Variants in SUN3 observed in about 807,000 individuals in gnomAD.
The protein encoded by SUN3 is Sad1 and UNC84 domain containing 3.
In SUN3, 36 loss-of-function variants were observed where a neutral mutation model predicts 48.2. The observed-to-expected ratio is 0.75, with a 90% CI of 0.57 to 0.99. The LOEUF is 0.99. Ranked by LOEUF, SUN3 falls within the 50% of genes least tolerant of loss-of-function variation. SUN3 has a pLI of 0.00. For missense variants in SUN3, 419 were observed against 433.1 expected (o/e 0.97, Z 0.29); for synonymous variants, 148 against 147.9 (o/e 1.00, Z 0.00).
chr7:48,008,377 A>G (rs753823041), intron 4 of SUN3, among the ~76,000 whole-genome samples: 22 of 152,262 alleles, frequency 1.4e-4, no homozygotes, highest in Non-Finnish European at 2.9e-4. Flanking sequence ...AATAGAAATA[A>G]TATTTATAAT....
At chr7:47,995,911 G>C in intron 7 of SUN3, 120 bp downstream of exon 7, 1 of 550,430 alleles carries the variant, frequency 1.8e-6, no homozygotes, top group Non-Finnish European at 3.2e-6. Flanking sequence ...GATGATTTCA[G>C]ATTCTGTGAC....
At chr7:48,027,492 G>C (rs528455773) in intron 1 of SUN3, among the ~76,000 whole-genome samples, 1 of 152,152 alleles carries the variant, frequency 6.6e-6, no homozygotes, top group Non-Finnish European at 1.5e-5. Flanking sequence ...AGCCCTAAAG[G>C]GTGGATGGGG....
At chr7:48,032,758 G>A (rs996601501), upstream of SUN3, among the ~76,000 whole-genome samples, 5 of 152,218 alleles carry the variant, frequency 3.3e-5, no homozygotes, top group Non-Finnish European at 7.3e-5. Flanking sequence ...GTTGGAGAGG[G>A]GAATTATACA....
At chr7:48,012,388 GTT>G (rs370669672) in intron 3 of SUN3, among the ~76,000 whole-genome samples, 3,867 of 142,580 alleles carry the variant, frequency 0.027, 158 homozygotes, top group African/African-American at 0.093. Flanking sequence ...TTTTTGTTTA[GTT>G]TTTTTTTTTT....
intron 3 of SUN3, among the ~76,000 whole-genome samples, chr7:48,016,103 C>A (rs1023677469): frequency 6.6e-6 from 1 of 152,098 alleles, no homozygotes; most frequent in Non-Finnish European, 1.5e-5. Flanking sequence ...GCAGACCCTG[C>A]ACTAGATGGA....
intron 3 of SUN3, among the ~76,000 whole-genome samples, chr7:48,012,722 C>T (rs867862466): frequency 6.6e-6 from 1 of 152,236 alleles, no homozygotes. Flanking sequence ...ACTGTGATCA[C>T]TGTGGCTTGA....
chr7:48,016,665 T>G (rs1186553394), intron 3 of SUN3, among the ~76,000 whole-genome samples: 2 of 152,208 alleles, frequency 1.3e-5, no homozygotes, highest in Non-Finnish European at 2.9e-5. Flanking sequence ...TGATAAAGGT[T>G]TATTTGCCAT....
At position 48,005,496 on chromosome 7, in the gene SUN3, AG is replaced by A. The variant is rs111945526; in HGVS notation, c.577+472del. 3.0e-3 allele frequency among the ~76,000 whole-genome samples: 451 copies of A among 152,308 alleles called. 6 individuals are homozygous for A. Among genetic ancestry groups the A allele is most frequent in the African/African-American group, 0.01 (420 of 41,554 alleles). On this transcript the variant is annotated intron_variant, in intron 6 of 9. Transcript: ENST00000297325. Reference sequence around the variant, plus strand: ...ACACATATTGTCCATAGACTATTATAGGCAGGGCATGGTAGATAAGATTAAG... The same window carrying A: ...ACACATATTGTCCATAGACTATTATAGCAGGGCATGGTAGATAAGATTAAG...
chr7:48,017,499 C>T, intron 2 of SUN3, 134 bp from the exon 3 acceptor site: 1 of 635,034 alleles, frequency 1.6e-6, no homozygotes, highest in Non-Finnish European at 2.7e-6. Flanking sequence ...TGGGTGACAT[C>T]ATGGAAAATG....
intron 2 of SUN3, among the ~76,000 whole-genome samples, chr7:48,020,536 G>A (rs1789964827): frequency 1.3e-5 from 2 of 152,134 alleles, no homozygotes; most frequent in South Asian, 4.1e-4. Context: ...ATCCTTGCTT[G>A]CTGATAATAT....
upstream of SUN3, among the ~76,000 whole-genome samples, chr7:48,032,899 A>G (rs1790272659): frequency 6.6e-6 from 1 of 152,262 alleles, no homozygotes; most frequent in African/African-American, 2.4e-5. Context: ...CAACATGGGT[A>G]AACCAACAGA....
rs374312047 is a variant in SUN3 at position 47,988,783 on chromosome 7, A to C, written c.954+5T>G. On this transcript the variant is annotated splice_donor_5th_base_variant and intron_variant, in intron 9 of 9. Transcript: ENST00000297325. ...ACTCATATCATTTCCCAGAGCATAC[A>C]TTACCTGGAGTTCAAATGTTTGAAC... 9 of 1,583,374 alleles carry C rather than the reference A, an allele frequency of 5.7e-6. No homozygotes were observed. The African/African-American group carries it at 1.2e-4, about 21-fold the overall frequency.
chr7:48,031,832 G>A (rs1790259314), upstream of SUN3, among the ~76,000 whole-genome samples: 1 of 142,372 alleles, frequency 7.0e-6, no homozygotes, highest in South Asian at 2.3e-4. Flanking sequence ...TGTGATTTAT[G>A]CACACACACA....
intron 4 of SUN3, among the ~76,000 whole-genome samples, chr7:48,008,302 A>G (rs572498858): frequency 6.6e-6 from 1 of 152,376 alleles, no homozygotes; most frequent in South Asian, 2.1e-4. Context: ...TTTAGAAGAA[A>G]TAAACACTGT....
chr7:48,028,753 A>G, intron 1 of SUN3, 64 bp downstream of exon 1: 2 of 1,582,662 alleles, frequency 1.3e-6, no homozygotes, highest in Admixed American at 1.8e-5. Flanking sequence ...GAACAGACAC[A>G]AGTGACAGAT....
In SUN3 at chr7:47,994,381, C is replaced by T; in HGVS notation, c.795G>A (p.Glu265=). The change falls in exon 8 of 10, where the codon GAG becomes GAA. Residue 265 remains glutamate, a synonymous_variant. Coordinates refer to ENST00000297325, the MANE Select transcript of SUN3 (RefSeq NM_001030019.2). ...ACGGAGACACCTTCTCTGAGATGTGCTCCATGGTAACAGCAGTTGGTATGA... is the reference window on the plus strand; with the variant it reads ...ACGGAGACACCTTCTCTGAGATGTGTTCCATGGTAACAGCAGTTGGTATGA... The part of the protein sequence containing the change: ...TKIIPTAVTM[E]HISEKVSPSG... 6.2e-7 allele frequency: 1 copy of T among 1,613,498 alleles called. No homozygotes were observed. Among genetic ancestry groups the T allele is most frequent in the Non-Finnish European group, 8.5e-7 (1 of 1,179,760 alleles).
intron 2 of SUN3, 139 bp downstream of exon 2, chr7:48,025,738 G>C (rs1360148214): frequency 1.1e-5 from 5 of 466,450 alleles, no homozygotes; most frequent in East Asian, 1.0e-4. Flanking sequence ...AAACGAAAAA[G>C]CTTTGAGAAT....
chr7:48,024,290 A>C (rs1790076656), intron 2 of SUN3, among the ~76,000 whole-genome samples: 1 of 152,148 alleles, frequency 6.6e-6, no homozygotes, highest in South Asian at 2.1e-4. Context: ...GGTATCTAGA[A>C]TATATTAAAA....
intron 7 of SUN3, among the ~76,000 whole-genome samples, chr7:47,995,703 G>A (rs1486583410): frequency 6.6e-6 from 1 of 152,206 alleles, no homozygotes; most frequent in East Asian, 1.9e-4. Flanking sequence ...TTTGTTGAAT[G>A]ACTGAAGTTT....
Sources: allele counts gnomAD v4.1 joint callset (sites outside exome capture counted in the v4.1 genomes callset), GRCh38; gene constraint gnomAD v4.1.1; transcripts MANE v1.5; gene names NCBI Gene and HGNC (gene_info 2026-07-23, HGNC 2026-07-21).